ZNF667: variants seen among roughly 807,000 people sequenced by gnomAD.
ZNF667 encodes the protein myocardial ischemic preconditioning upregulated 1 ortholog.
A neutral mutation model predicts 31.8 loss-of-function variants in ZNF667; 13 were observed. The observed-to-expected ratio is 0.41, with a 90% CI of 0.27 to 0.65. The LOEUF is 0.65. ZNF667 is among the 30% of genes least tolerant of loss of function. The pLI is 0.32. For synonymous variants in ZNF667, 228 were observed against 247.1 expected (o/e 0.92, Z 0.73); for missense variants, 642 against 725.6 (o/e 0.88, Z 1.32).
intron 6 of ZNF667, among the ~76,000 whole-genome samples, chr19:56,443,144 A>C (rs2147669330): frequency 1.3e-5 from 2 of 152,266 alleles, no homozygotes; most frequent in Middle Eastern, 6.8e-3. Context: ...GGACATGAAG[A>C]ATCTTACAGG....
At position 56,474,093 on chromosome 19, in the gene ZNF667, CTA is replaced by C. The variant is rs1156499712; in HGVS notation, c.-632_-631del. On this transcript the variant is annotated 5_prime_UTR_variant, in exon 2 of 7. Transcript: ENST00000504904. ...AGAAAGGGCTTTGAAAGGCACAAAGCTATGTCCTCCTGAGGTGAGGACGGCTG... is the reference window on the plus strand; with the variant it reads ...AGAAAGGGCTTTGAAAGGCACAAAGCTGTCCTCCTGAGGTGAGGACGGCTG... The C allele has an allele frequency of 6.6e-6, 1 of 152,254 alleles. No individual in the cohort carries two copies. Among genetic ancestry groups the C allele is most frequent in the African/African-American group, 2.4e-5 (1 of 41,458 alleles). 9.4% of individuals were successfully genotyped at this position (152,254 alleles called of 1,614,324 possible). A position where few individuals can be genotyped will look rare whatever the true frequency, so the allele number is the denominator to read the frequency against.
intron 6 of ZNF667, among the ~76,000 whole-genome samples, chr19:56,451,564 C>G (rs2042822792): frequency 6.6e-6 from 1 of 152,068 alleles, no homozygotes. Flanking sequence ...GGACACAAGA[C>G]AAGTCTTAAA....
In ZNF667 at chr19:56,470,341, T is replaced by G. The variant is rs2147832839; in HGVS notation, c.-60+1358A>C. ...AGGTGTGTGTGCTGAATGTGCTCCA[T>G]GCCTGGGCAGCAGCGTCACCTCCTC... On this transcript the variant is annotated intron_variant, in intron 3 of 6. Coordinates refer to ENST00000504904, the MANE Select transcript of ZNF667 (RefSeq NM_001321356.2). Among the ~76,000 whole-genome samples, 3 of 152,342 alleles carry G rather than the reference T, an allele frequency of 2.0e-5. No homozygotes were observed. The South Asian group carries it at 6.2e-4, about 32-fold the overall frequency.
chr19:56,442,332 A>G lies in ZNF667; in HGVS notation c.663T>C (p.Ile221=). The G allele has an allele frequency of 6.2e-7, 1 of 1,613,926 alleles. No homozygotes were observed. Residue 221 remains isoleucine, a synonymous_variant, in exon 7 of 7, where the codon ATT becomes ATC. Coordinates refer to ENST00000504904, the MANE Select transcript of ZNF667 (RefSeq NM_001321356.2). ...QRTTLILHMR[I]HDGKEILDCG... is the part of the protein sequence containing the mutation. ...AGTCAAGAATTTCCTTTCCATCATG[A>G]ATTCTCATATGTAGAATAAGGGTTG... is the stretch of plus-strand genomic sequence containing the variant.
chr19:56,448,720 G>C (rs2042757715), intron 6 of ZNF667, among the ~76,000 whole-genome samples: 2 of 151,962 alleles, frequency 1.3e-5, no homozygotes, highest in South Asian at 4.1e-4. Flanking sequence ...GACCTACCCT[G>C]GGCCAGAAGG....
Position 56,442,696 on chromosome 19 carries a change from C to T in ZNF667, c.299G>A (p.Cys100Tyr). Residue 100 changes from cysteine to tyrosine, a missense_variant, in exon 7 of 7, where the codon TGC becomes TAC. Transcript: ENST00000504904. ...CETKKLPPNQCNKSGQSICQK... is the reference protein window; with the variant it reads ...CETKKLPPNQYNKSGQSICQK... The stretch of plus-strand genomic sequence containing the variant: ...GCAGATGCTTTGCCCAGATTTGTTG[C>T]ATTGATTTGGAGGTAACTTCTTGGT... 6.2e-7 allele frequency: 1 copy of T among 1,608,562 alleles called. No homozygotes were observed. The highest frequency in any genetic ancestry group is 8.5e-7 in the Non-Finnish European group (1 of 1,178,590).
chr19:56,460,225 A>AT (rs969807379), intron 5 of ZNF667, among the ~76,000 whole-genome samples: 3 of 152,368 alleles, frequency 2.0e-5, no homozygotes, highest in Admixed American at 6.5e-5. Context: ...TACCATACAT[A>AT]TTCTTTGGCA....
intron 6 of ZNF667, among the ~76,000 whole-genome samples, chr19:56,450,220 C>T (rs190814983): frequency 4.6e-5 from 7 of 151,942 alleles, no homozygotes; most frequent in Admixed American, 6.6e-5. Context: ...CTAAAAGCAG[C>T]AAGAGAAAAG....
chr19:56,465,241 T>G (rs1458335941), intron 3 of ZNF667, among the ~76,000 whole-genome samples: 2 of 152,184 alleles, frequency 1.3e-5, no homozygotes, highest in African/African-American at 2.4e-5. Flanking sequence ...AAAATGGAAA[T>G]AATGGATGTT....
intron 6 of ZNF667, among the ~76,000 whole-genome samples, chr19:56,448,751 A>G (rs1429136894): frequency 6.6e-6 from 1 of 152,176 alleles, no homozygotes; most frequent in African/African-American, 2.4e-5. Flanking sequence ...CCCTAAAGGG[A>G]AAAACAGGCC....
At chr19:56,444,371 C>T (rs562347400) in intron 6 of ZNF667, 12 of 395,950 alleles carry the variant, frequency 3.0e-5, no homozygotes, top group South Asian at 1.3e-4. Context: ...CATATTACAA[C>T]GATCAGATTT....
intron 6 of ZNF667, among the ~76,000 whole-genome samples, chr19:56,455,646 T>C (rs2042915954): frequency 6.6e-6 from 1 of 152,098 alleles, no homozygotes; most frequent in Non-Finnish European, 1.5e-5. Flanking sequence ...AAAAAGGAGA[T>C]GGTTAGTGGG....
intron 2 of ZNF667, among the ~76,000 whole-genome samples, chr19:56,473,551 G>A (rs1444363420): frequency 1.3e-5 from 2 of 152,164 alleles, no homozygotes; most frequent in East Asian, 1.9e-4. Flanking sequence ...CTAACTGGGG[G>A]TAATTTTGCC....
In ZNF667 at chr19:56,440,815, TTAG is replaced by T. The variant is rs1454233116; in HGVS notation, c.*344_*346del. On this transcript the variant is annotated 3_prime_UTR_variant, in exon 7 of 7. Transcript: ENST00000504904. ...CCACGCCCAGCTAATTTTGTATTTTTTAGTAGAGACAGGGTTTCACCGTGGTCT... is the reference window on the plus strand; with the variant it reads ...CCACGCCCAGCTAATTTTGTATTTTTTAGAGACAGGGTTTCACCGTGGTCT... 4 of 745,792 alleles carry T rather than the reference TTAG, an allele frequency of 5.4e-6. No individual in the cohort carries two copies. Among genetic ancestry groups the T allele is most frequent in the Non-Finnish European group, 6.8e-6 (4 of 591,664 alleles). The allele number at this position is 745,792 out of a possible 1,614,324, so 46.2% of individuals were successfully genotyped here. A position where few individuals can be genotyped will look rare whatever the true frequency, so the allele number is the denominator to read the frequency against.
chr19:56,451,379 A>G (rs1240235162), intron 6 of ZNF667, among the ~76,000 whole-genome samples: 1 of 152,102 alleles, frequency 6.6e-6, no homozygotes, highest in African/African-American at 2.4e-5. Flanking sequence ...TAATTGTTGG[A>G]GACTTAACCA....
At chr19:56,457,316 G>A (rs1420734069) in intron 6 of ZNF667, among the ~76,000 whole-genome samples, 2 of 151,964 alleles carry the variant, frequency 1.3e-5, no homozygotes, top group Admixed American at 1.3e-4. Flanking sequence ...TTCTCTGAAA[G>A]GAAATACGAA....
At position 56,440,043 on chromosome 19, in the gene ZNF667, C is replaced by T. The variant is rs2042571674; in HGVS notation, c.*1119G>A. Reference sequence around the variant, plus strand: ...TCTAATCCTAATTGCCTCCCAAATGCCTCATTTCCAAGTAACATCACATTG... The same window carrying T: ...TCTAATCCTAATTGCCTCCCAAATGTCTCATTTCCAAGTAACATCACATTG... On this transcript the variant is annotated 3_prime_UTR_variant, in exon 7 of 7. Coordinates refer to ENST00000504904, the MANE Select transcript of ZNF667 (RefSeq NM_001321356.2). The T allele has an allele frequency of 6.6e-6, 1 of 152,174 alleles. No homozygotes were observed. The highest frequency in any genetic ancestry group is 1.5e-5 in the Non-Finnish European group (1 of 68,026). The allele number at this position is 152,174 out of a possible 1,614,324, so 9.4% of individuals were successfully genotyped here. A position where few individuals can be genotyped will look rare whatever the true frequency, so the allele number is the denominator to read the frequency against.
At position 56,472,207 on chromosome 19, in the gene ZNF667, A is replaced by T. The variant is rs2043307145; in HGVS notation, c.-548-20T>A. 1 of 152,368 alleles carries T rather than the reference A, an allele frequency of 6.6e-6. No homozygotes were observed. The highest frequency in any genetic ancestry group is 6.5e-5 in the Admixed American group (1 of 15,304). 9.4% of individuals were successfully genotyped at this position (152,368 alleles called of 1,614,324 possible). ...GCACTACTGGGGAAGAAAGAACAGCAGTTTGATATTAGGTAATCCTGGATT... is the reference window on the plus strand; with the variant it reads ...GCACTACTGGGGAAGAAAGAACAGCTGTTTGATATTAGGTAATCCTGGATT... On this transcript the variant is annotated intron_variant, in intron 2 of 6. Transcript: ENST00000504904.
chr19:56,441,450 G>A lies in ZNF667; in HGVS notation c.1545C>T (p.Ala515=). The change falls in exon 7 of 7, where the codon GCC becomes GCT. Residue 515 remains alanine (A), a synonymous_variant. Transcript: ENST00000504904. The surrounding 1 kb of genome is among the most constrained non-coding windows in gnomAD (Gnocchi z 4.2). ...CTCCAGTGTGAATTCTTTCATGTTGGGCGAGGTGTGCACTCTGGCTGAAGG... is the reference window on the plus strand; with the variant it reads ...CTCCAGTGTGAATTCTTTCATGTTGAGCGAGGTGTGCACTCTGGCTGAAGG... ...GKAFSQSAHL[A]QHERIHTGEK... is the part of the protein sequence containing the mutation. The A allele has an allele frequency of 6.2e-7, 1 of 1,614,068 alleles. No individual in the cohort carries two copies. Among genetic ancestry groups the A allele is most frequent in the Non-Finnish European group, 8.5e-7 (1 of 1,180,028 alleles).
Sources: allele counts gnomAD v4.1 joint callset (sites outside exome capture counted in the v4.1 genomes callset), GRCh38; gene constraint gnomAD v4.1.1; non-coding constraint Gnocchi (gnomAD v3.1); transcripts MANE v1.5; gene names NCBI Gene and HGNC (gene_info 2026-07-23, HGNC 2026-07-21).